Variants in PXDN observed in about 807,000 individuals in gnomAD.
PXDN encodes peroxidasin, also known as peroxidasin homolog.
Under a neutral mutation model 140.3 loss-of-function variants are expected in PXDN, and 77 were observed. The ratio of observed to expected loss-of-function variants is 0.55; its 90% CI spans 0.46 to 0.66. The LOEUF (loss-of-function observed/expected upper bound fraction) is 0.66. PXDN is among the 30% of genes least tolerant of loss of function. The pLI, the probability that PXDN is intolerant of heterozygous loss-of-function variation, is 0.00. For synonymous variants in PXDN, 911 were observed against 857.4 expected (o/e 1.06, Z -1.09); for missense variants, 1,838 against 2,039.5 (o/e 0.90, Z 1.90).
At chr2:1,644,567 C>T (rs1320485242) in intron 18 of PXDN, 51 bp downstream of exon 18, 3 of 1,524,160 alleles carry the variant, frequency 2.0e-6, no homozygotes, top group Non-Finnish European at 2.7e-6. Flanking sequence ...CTCTGGAGTC[C>T]CTAAGAAGGT....
intron 17 of PXDN, among the ~76,000 whole-genome samples, chr2:1,647,780 C>T (rs181777696): frequency 3.0e-4 from 46 of 152,340 alleles, no homozygotes; most frequent in Middle Eastern, 6.8e-3. Flanking sequence ...AGCAGGAACC[C>T]GAAGCTGCCC....
At position 1,665,088 on chromosome 2, in the gene PXDN, A is replaced by G. The variant is rs1330772806; in HGVS notation, c.1292-14T>C. The G allele has an allele frequency of 6.4e-7, 1 of 1,560,320 alleles. No homozygotes were observed. On this transcript the variant is annotated splice_polypyrimidine_tract_variant and intron_variant, in intron 10 of 22. Coordinates refer to ENST00000252804, the MANE Select transcript of PXDN (RefSeq NM_012293.3). ...ACTGAGGAAGAGCTTCCGGAGAGAA[A>G]GCATTCAAAACAGGACATGTAAAAA...
chr2:1,634,649 G>C (rs1682501828), intron 22 of PXDN, among the ~76,000 whole-genome samples: 1 of 152,172 alleles, frequency 6.6e-6, no homozygotes, highest in Non-Finnish European at 1.5e-5. Flanking sequence ...CTCACACCTG[G>C]ATCCCCTCGG....
chr2:1,662,634 C>T (rs1344028675), intron 12 of PXDN, among the ~76,000 whole-genome samples: 4 of 152,198 alleles, frequency 2.6e-5, no homozygotes, highest in African/African-American at 4.8e-5. Context: ...AGAGCAGGAG[C>T]GTGGCTGAGT....
At chr2:1,681,584 C>T (rs1247734802) in intron 6 of PXDN, among the ~76,000 whole-genome samples, 1 of 152,088 alleles carries the variant, frequency 6.6e-6, no homozygotes, top group African/African-American at 2.4e-5. Context: ...GGAGGCTACA[C>T]CTCCCATCCG....
chr2:1,643,602 A>C, intron 18 of PXDN, 26 bp from the exon 19 acceptor site: 1 of 1,612,078 alleles, frequency 6.2e-7, no homozygotes, highest in East Asian at 2.2e-5. Context: ...TGAAAGCAGG[A>C]TCAGAGAAGG....
rs1682672376 is a variant in PXDN at position 1,639,795 on chromosome 2, TG to T, written c.3953-374del. ...GCTGTTTCTGGGGGTCCCTCCCCGA[TG>T]GCCAGATGACAATCTGCACTCTGGA... On this transcript the variant is annotated intron_variant, in intron 19 of 22. Transcript: ENST00000252804. This position sits in a 1 kb window ranked among gnomAD's most constrained non-coding sequence, Gnocchi z 5.0. 6.6e-6 allele frequency among the ~76,000 whole-genome samples: 1 copy of T among 152,236 alleles called. No individual in the cohort carries two copies. Among genetic ancestry groups the T allele is most frequent in the Non-Finnish European group, 1.5e-5 (1 of 68,036 alleles).
At position 1,703,391 on chromosome 2, in the gene PXDN, T is replaced by A. The variant is rs1270857781; in HGVS notation, c.201-10257A>T. On this transcript the variant is annotated intron_variant, in intron 1 of 22. Coordinates refer to ENST00000252804, the MANE Select transcript of PXDN (RefSeq NM_012293.3). ...AGGTGAAGTGGGGGACAGCTCCAGGTGAAGGAGGGACAACTCCAGGTGAAG... is the reference window on the plus strand; with the variant it reads ...AGGTGAAGTGGGGGACAGCTCCAGGAGAAGGAGGGACAACTCCAGGTGAAG... Among the ~76,000 whole-genome samples the A allele has an allele frequency of 5.8e-5, 2 of 34,688 alleles. 1 individual carries two copies. Among genetic ancestry groups the A allele is most frequent in the African/African-American group, 2.7e-4 (2 of 7,478 alleles). The allele number at this position is 34,688 out of a possible 152,430, so 22.8% of individuals were successfully genotyped here. A position where few individuals can be genotyped will look rare whatever the true frequency, so the allele number is the denominator to read the frequency against.
chr2:1,673,657 T>C lies in PXDN; in HGVS notation c.1004A>G (p.Tyr335Cys), dbSNP rs1259163584. ...CCGCCACATACCTGGAGACCCGAAGTACCTGAGGGTCACCTCTTGCGTCTT... is the reference window on the plus strand; with the variant it reads ...CCGCCACATACCTGGAGACCCGAAGCACCTGAGGGTCACCTCTTGCGTCTT... ...EVKTQEVTLR[Y>C]FGSPARPTFV... Residue 335 changes from tyrosine to cysteine, a missense_variant, in exon 9 of 23, where the codon TAC becomes TGC. This residue lies in a region of PXDN where 208 missense variants were observed against 325.8 expected (regional missense o/e 0.64). Transcript: ENST00000252804. 1 of 1,611,312 alleles carries C rather than the reference T, an allele frequency of 6.2e-7. No individual in the cohort carries two copies. The highest frequency in any genetic ancestry group is 1.3e-5 in the African/African-American group (1 of 74,980).
chr2:1,687,768 AAG>A lies in PXDN; in HGVS notation c.345-67_345-66del, dbSNP rs1684095371. On this transcript the variant is annotated intron_variant, in intron 3 of 22. Transcript: ENST00000252804. This position sits in a 1 kb window ranked among gnomAD's most constrained non-coding sequence, Gnocchi z 4.0. ...GGAGGTCAAACTTCAGACGGAAAAG[AAG>A]AATTAAATTGACACATGGAGACAGT... 18 of 1,266,130 alleles carry A rather than the reference AAG, an allele frequency of 1.4e-5. No homozygotes were observed. Among genetic ancestry groups the A allele is most frequent in the Middle Eastern group, 1.9e-4 (1 of 5,352 alleles). The allele number at this position is 1,266,130 out of a possible 1,614,324, so 78.4% of individuals were successfully genotyped here. A position where few individuals can be genotyped will look rare whatever the true frequency, so the allele number is the denominator to read the frequency against.
chr2:1,685,133 G>A lies in PXDN; in HGVS notation c.417-982C>T, dbSNP rs140452764. Among the ~76,000 whole-genome samples, 178 of 152,294 alleles carry A rather than the reference G, an allele frequency of 1.2e-3. No homozygotes were observed. The highest frequency in any genetic ancestry group is 3.8e-3 in the African/African-American group (157 of 41,578). On this transcript the variant is annotated intron_variant, in intron 4 of 22. Coordinates refer to ENST00000252804, the MANE Select transcript of PXDN (RefSeq NM_012293.3). The surrounding 1 kb of genome is among the most constrained non-coding windows in gnomAD (Gnocchi z 5.1). The stretch of plus-strand genomic sequence containing the variant: ...CACCAGAGTGCGGCTGCCAGGGCCC[G>A]CCCCGTCCCGGGGCCAGCTCCCCAG...
Position 1,648,126 on chromosome 2 carries a change from AG to A in PXDN, c.3608+45del. On this transcript the variant is annotated intron_variant, in intron 17 of 22. Coordinates refer to ENST00000252804, the MANE Select transcript of PXDN (RefSeq NM_012293.3). This position sits in a 1 kb window ranked among gnomAD's most constrained non-coding sequence, Gnocchi z 8.9. ...ACACACACCACAGTTCAGGTGTTCC[AG>A]GTGCCTAGGTACACGAGCCATCCCA... 2 of 1,575,712 alleles carry A rather than the reference AG, an allele frequency of 1.3e-6. No homozygotes were observed. The highest frequency in any genetic ancestry group is 2.7e-5 in the African/African-American group (2 of 74,134).
At chr2:1,708,420 A>C (rs1418108040) in intron 1 of PXDN, among the ~76,000 whole-genome samples, 3 of 152,086 alleles carry the variant, frequency 2.0e-5, no homozygotes, top group African/African-American at 7.2e-5. Context: ...GCTCAATCCC[A>C]CCCAAACACC....
intron 1 of PXDN, among the ~76,000 whole-genome samples, chr2:1,735,161 C>A (rs1021002295): frequency 6.6e-6 from 1 of 152,210 alleles, no homozygotes; most frequent in African/African-American, 2.4e-5. Flanking sequence ...ATTTCCACCA[C>A]ATCTGCTGTG....
intron 1 of PXDN, among the ~76,000 whole-genome samples, chr2:1,694,460 G>A (rs1243306040): frequency 6.6e-6 from 1 of 152,100 alleles, no homozygotes; most frequent in African/African-American, 2.4e-5. Flanking sequence ...TCCCAGCGCC[G>A]CCCCTGTGCT....
chr2:1,703,398 G>A (rs865906243), intron 1 of PXDN, among the ~76,000 whole-genome samples: 2 of 52,958 alleles, frequency 3.8e-5, no homozygotes, highest in Non-Finnish European at 7.5e-5. Context: ...AGGTGAAGGA[G>A]GGACAACTCC....
chr2:1,727,239 C>T lies in PXDN; in HGVS notation c.200+17017G>A, dbSNP rs549487880. On this transcript the variant is annotated intron_variant, in intron 1 of 22. Coordinates refer to ENST00000252804, the MANE Select transcript of PXDN (RefSeq NM_012293.3). The stretch of plus-strand genomic sequence containing the variant: ...CCGCCACCGCCCCGTCACAGCCATC[C>T]CAAGTCCCTCCTGCTCCCTCCTCCT... Among the ~76,000 whole-genome samples the T allele has an allele frequency of 3.9e-5, 6 of 152,350 alleles. No individual in the cohort carries two copies. The South Asian group carries it at 1.2e-3, about 32-fold the overall frequency.
intron 1 of PXDN, among the ~76,000 whole-genome samples, chr2:1,719,934 G>C (rs1480990571): frequency 1.7e-5 from 2 of 118,166 alleles, no homozygotes; most frequent in Non-Finnish European, 3.6e-5. Context: ...GAGAGGGAGA[G>C]AGAGAGAGGG....
Position 1,717,736 on chromosome 2 carries a change from C to T in PXDN, c.201-24602G>A, listed in dbSNP as rs1290780524. On this transcript the variant is annotated intron_variant, in intron 1 of 22. Coordinates refer to ENST00000252804, the MANE Select transcript of PXDN (RefSeq NM_012293.3). ...ACTAACCTACTCCACTAACCGACCA[C>T]CCAAAGCTACTCTACTAACCAACTA... 6.6e-5 allele frequency among the ~76,000 whole-genome samples: 10 copies of T among 152,212 alleles called. No individual in the cohort carries two copies. The East Asian group carries it at 1.9e-3, about 29-fold the overall frequency.
Sources: allele counts gnomAD v4.1 joint callset (sites outside exome capture counted in the v4.1 genomes callset), GRCh38; gene constraint gnomAD v4.1.1; regional missense constraint gnomAD v4.1.1; non-coding constraint Gnocchi (gnomAD v3.1); transcripts MANE v1.5; gene names NCBI Gene and HGNC (gene_info 2026-07-23, HGNC 2026-07-21).